Variants in DOCK10 observed in about 807,000 individuals in gnomAD.
The protein encoded by DOCK10 is dedicator of cytokinesis protein 10.
In DOCK10, 145 loss-of-function variants were observed where a neutral mutation model predicts 280.1. That is an observed-to-expected ratio of 0.52 (90% CI 0.45 to 0.59). The LOEUF is 0.59. Ranked by LOEUF, DOCK10 falls within the 20% of genes least tolerant of loss-of-function variation. DOCK10 has a pLI of 0.00. For missense variants in DOCK10, 2,368 were observed against 2,651.7 expected (o/e 0.89, Z 2.35); for synonymous variants, 915 against 942.2 (o/e 0.97, Z 0.53).
intron 1 of DOCK10, among the ~76,000 whole-genome samples, chr2:225,018,625 A>G (rs1270870619): frequency 8.7e-5 from 1 of 11,532 alleles, no homozygotes; most frequent in Admixed American, 1.1e-3. Flanking sequence ...GTAATATTAT[A>G]TATATAATAT....
Position 224,861,608 on chromosome 2 carries a change from T to G in DOCK10, c.1685+1056A>C, listed in dbSNP as rs1418772785. 38 of 152,228 alleles carry G rather than the reference T, an allele frequency of 2.5e-4. 1 individual carries two copies. The highest frequency in any genetic ancestry group is 2.9e-5 in the Non-Finnish European group (2 of 68,042). 9.4% of individuals were successfully genotyped at this position (152,228 alleles called of 1,614,324 possible). ...ATGACAAATATTGGTGAGTTTACTCTGAATATACATCACTGGGAACTGTGA... is the reference window on the plus strand; with the variant it reads ...ATGACAAATATTGGTGAGTTTACTCGGAATATACATCACTGGGAACTGTGA... On this transcript the variant is annotated intron_variant, in intron 14 of 55. Coordinates refer to ENST00000258390, the MANE Select transcript of DOCK10 (RefSeq NM_014689.3).
At chr2:224,958,227 AT>A (rs1704165692) in intron 1 of DOCK10, among the ~76,000 whole-genome samples, 1 of 152,196 alleles carries the variant, frequency 6.6e-6, no homozygotes, top group African/African-American at 2.4e-5. Flanking sequence ...TTATAAAGTA[AT>A]TGTGTTGAGG....
At position 224,886,065 on chromosome 2, in the gene DOCK10, G is replaced by T. The variant is rs371764118; in HGVS notation, c.610C>A (p.Arg204=). The T allele has an allele frequency of 1.9e-6, 3 of 1,613,738 alleles. No homozygotes were observed. Among genetic ancestry groups the T allele is most frequent in the Non-Finnish European group, 1.7e-6 (2 of 1,179,828 alleles). ...GATGAGTCTTGATATCTCCTTACCC[G>T]AACAGTAACGGTGTTGTTCACGGTG... The part of the protein sequence containing the change: ...NSTVNNTVTV[R]SFKKRYFQLT... Residue 204 remains arginine, a splice_region_variant and synonymous_variant, in exon 6 of 56, where the codon CGG becomes AGG. Coordinates refer to ENST00000258390, the MANE Select transcript of DOCK10 (RefSeq NM_014689.3).
At position 224,946,993 on chromosome 2, in the gene DOCK10, AAT is replaced by A. The variant is rs1446144353; in HGVS notation, c.124-15327_124-15326del. 6 of 1,520,914 alleles carry A rather than the reference AAT, an allele frequency of 3.9e-6. No individual in the cohort carries two copies. In the Admixed American group the frequency reaches 1.1e-4, roughly 28 times the overall value. 94.2% of individuals were successfully genotyped at this position (1,520,914 alleles called of 1,614,324 possible). A position where few individuals can be genotyped will look rare whatever the true frequency, so the allele number is the denominator to read the frequency against. ...GAGTCACAAAATATTTCAAAATATC[AAT>A]GTCGTTAAACTCTTCTCTTCTGAAG... is the stretch of plus-strand genomic sequence containing the variant. On this transcript the variant is annotated intron_variant, in intron 1 of 55. Transcript: ENST00000258390.
At chr2:224,921,524 C>T (rs13016606) in intron 2 of DOCK10, among the ~76,000 whole-genome samples, 86,374 of 151,434 alleles carry the variant, frequency 0.57, 25,358 homozygotes, top group Non-Finnish European at 0.64. Context: ...TTAATTCAGG[C>T]CGAGTTACAA....
intron 13 of DOCK10, 37 bp downstream of exon 13, chr2:224,864,516 A>C: frequency 1.3e-6 from 2 of 1,510,710 alleles, no homozygotes; most frequent in Non-Finnish European, 1.8e-6. Flanking sequence ...TTAAAAAAAA[A>C]AAAGGAAGTG....
intron 1 of DOCK10, among the ~76,000 whole-genome samples, chr2:225,003,018 G>A (rs1178562084): frequency 6.6e-6 from 1 of 152,084 alleles, no homozygotes; most frequent in Non-Finnish European, 1.5e-5. Context: ...TTTGAGAATG[G>A]GAAGGAATTT....
At chr2:225,032,790 A>T (rs1459162666) in intron 1 of DOCK10, among the ~76,000 whole-genome samples, 2 of 152,236 alleles carry the variant, frequency 1.3e-5, no homozygotes, top group Non-Finnish European at 2.9e-5. Context: ...TTCATTGAAC[A>T]GTAAATTTTG....
Position 225,042,228 on chromosome 2 carries a change from GCGCGGAGGA to G in DOCK10, c.123+15_123+23del. On this transcript the variant is annotated intron_variant, in intron 1 of 55. Transcript: ENST00000258390. The surrounding 1 kb of genome is among the most constrained non-coding windows in gnomAD (Gnocchi z 5.1). ...CCGGGCGCCTGGGGCGCGCGGGAAG[GCGCGGAGGA>G]CGCGCCGCACTCACCCGCTGCTGCT... 1 of 1,246,376 alleles carries G rather than the reference GCGCGGAGGA, an allele frequency of 8.0e-7. No homozygotes were observed. The highest frequency in any genetic ancestry group is 1.0e-6 in the Non-Finnish European group (1 of 996,990). 77.2% of individuals were successfully genotyped at this position (1,246,376 alleles called of 1,614,324 possible).
At position 224,770,914 on chromosome 2, in the gene DOCK10, T is replaced by C. The variant is rs561364151; in HGVS notation, c.6205-269A>G. Among the ~76,000 whole-genome samples the C allele has an allele frequency of 7.2e-5, 11 of 152,134 alleles. No individual in the cohort carries two copies. The South Asian group carries it at 2.3e-3, about 32-fold the overall frequency. ...TTTTTTTTTTTGTCATATCTGTACGTTGCTTGAACTACTATTTTTTTCTTT... is the reference window on the plus strand; with the variant it reads ...TTTTTTTTTTTGTCATATCTGTACGCTGCTTGAACTACTATTTTTTTCTTT... On this transcript the variant is annotated intron_variant, in intron 53 of 55. Coordinates refer to ENST00000258390, the MANE Select transcript of DOCK10 (RefSeq NM_014689.3). This position sits in a 1 kb window ranked among gnomAD's most constrained non-coding sequence, Gnocchi z 4.5.
At chr2:224,960,900 C>T (rs370458888) in intron 1 of DOCK10, among the ~76,000 whole-genome samples, 16 of 152,004 alleles carry the variant, frequency 1.1e-4, no homozygotes, top group East Asian at 7.8e-4. Flanking sequence ...CCACCGCGCC[C>T]GGCTAATTTT....
chr2:225,033,645 T>C (rs530684267), intron 1 of DOCK10, among the ~76,000 whole-genome samples: 1 of 152,346 alleles, frequency 6.6e-6, no homozygotes, highest in Admixed American at 6.5e-5. Flanking sequence ...GTCAACATTT[T>C]GAGTCCAGCA....
rs575843722 is a variant in DOCK10 at position 224,774,914 on chromosome 2, T to A, written c.6004A>T (p.Ile2002Phe). 7 of 1,591,186 alleles carry A rather than the reference T, an allele frequency of 4.4e-6. No individual in the cohort carries two copies. The South Asian group carries it at 5.7e-5, about 13-fold the overall frequency. The part of the protein sequence containing the change: ...GVAEQCKRRT[I>F]LTTSHLFPYV... ...GGCTACCTGCACCTACTTGTCAGGA[T>A]CGTCCGCCGCTTGCACTGCTCCGCC... is the stretch of plus-strand genomic sequence containing the variant. The change falls in exon 52 of 56, where the codon ATC becomes TTC. Residue 2002 changes from isoleucine to phenylalanine, a missense_variant. By Grantham distance (21) the Ile-to-Phe change is conservative (BLOSUM62 0). This residue lies in a region of DOCK10 where 1,159 missense variants were observed against 1,400.8 expected (regional missense o/e 0.83). Transcript: ENST00000258390.
rs563124783 is a variant in DOCK10 at position 224,876,492 on chromosome 2, G to T, written c.748-271C>A. Among the ~76,000 whole-genome samples the T allele has an allele frequency of 5.3e-5, 8 of 152,290 alleles. No individual in the cohort carries two copies. In the South Asian group the frequency reaches 1.7e-3, roughly 32 times the overall value. ...AACATTTCATCACGGGCATGTGCTT[G>T]AGTATATTCTTAACTCCTTGTAAGA... On this transcript the variant is annotated intron_variant, in intron 7 of 55. Transcript: ENST00000258390.
At chr2:224,868,961 C>T (rs1179928459) in intron 11 of DOCK10, among the ~76,000 whole-genome samples, 7 of 152,102 alleles carry the variant, frequency 4.6e-5, no homozygotes, top group African/African-American at 1.4e-4. Flanking sequence ...GAAATAAATA[C>T]CTACTTTGAT....
rs1559965806 is a variant in DOCK10, at chr2:225,018,532, A to AAGGTGGAGAGGTTCCTAGGCC, written c.123+23719_123+23720insGGCCTAGGAACCTCTCCACCT. Among the ~76,000 whole-genome samples, 105 of 36,426 alleles carry AAGGTGGAGAGGTTCCTAGGCC rather than the reference A, an allele frequency of 2.9e-3. 21 individuals carry two copies. Among genetic ancestry groups the AAGGTGGAGAGGTTCCTAGGCC allele is most frequent in the South Asian group, 8.4e-3 (8 of 950 alleles). 23.9% of individuals were successfully genotyped at this position (36,426 alleles called of 152,430 possible). A position where few individuals can be genotyped will look rare whatever the true frequency, so the allele number is the denominator to read the frequency against. On this transcript the variant is annotated intron_variant, in intron 1 of 55. Coordinates refer to ENST00000258390, the MANE Select transcript of DOCK10 (RefSeq NM_014689.3). ...GTAATATTATATATATATAATATAT[A>AAGGTGGAGAGGTTCCTAGGCC]TGTAATATTATATATATATAATATA...
intron 2 of DOCK10, among the ~76,000 whole-genome samples, chr2:224,920,794 G>A (rs1027786939): frequency 7.9e-5 from 12 of 151,748 alleles, no homozygotes; most frequent in African/African-American, 2.9e-4. Flanking sequence ...CTTTAAGTCT[G>A]ATGGAGAGTA....
chr2:224,907,134 C>T (rs751171690), intron 3 of DOCK10, among the ~76,000 whole-genome samples: 1 of 152,132 alleles, frequency 6.6e-6, no homozygotes, highest in Admixed American at 6.5e-5. Context: ...ACAGTTGCCC[C>T]TAGGACAAGA....
chr2:225,012,519 A>G (rs1028310531), intron 1 of DOCK10, among the ~76,000 whole-genome samples: 7 of 152,220 alleles, frequency 4.6e-5, no homozygotes, highest in Non-Finnish European at 1.0e-4. Context: ...ATATACTTGT[A>G]TAGTGCTTGC....
Sources: gnomAD v4.1 joint callset for allele counts (sites outside exome capture counted in the v4.1 genomes callset) on GRCh38, gnomAD v4.1.1 for gene constraint, gnomAD v4.1.1 regional missense constraint, Gnocchi (gnomAD v3.1) non-coding constraint, MANE v1.5 for transcripts, NCBI Gene and HGNC (gene_info 2026-07-23, HGNC 2026-07-21) for gene names.